The following THSD7B variants were observed in gnomAD, a reference collection of about 807,000 sequenced individuals.
THSD7B encodes the protein thrombospondin type 1 domain containing 7B.
THSD7B carries 138 observed loss-of-function variants against 213.6 expected under a neutral mutation model. The observed-to-expected ratio is 0.65, with a 90% CI of 0.56 to 0.74. The LOEUF (loss-of-function observed/expected upper bound fraction) is 0.74. THSD7B is among the 30% of genes least tolerant of loss of function. The pLI is 0.00. For missense variants in THSD7B, 1,931 were observed against 1,991.5 expected, an observed-to-expected ratio of 0.97 and a Z score of 0.58; for synonymous variants, 742 against 687.0, an observed-to-expected ratio of 1.08 and a Z score of -1.25.
intron 15 of THSD7B, among the ~76,000 whole-genome samples, chr2:137,465,802 T>C (rs1687980969): frequency 6.6e-6 from 1 of 152,144 alleles, no homozygotes; most frequent in South Asian, 2.1e-4. Context: ...TCTGAACCAC[T>C]AATGTCAAGT....
chr2:137,261,531 T>G (rs1682450425), intron 10 of THSD7B, among the ~76,000 whole-genome samples: 1 of 152,142 alleles, frequency 6.6e-6, no homozygotes, highest in Non-Finnish European at 1.5e-5. Context: ...TTCACAGACC[T>G]TGGGCTCCAG....
intron 13 of THSD7B, among the ~76,000 whole-genome samples, chr2:137,409,653 A>C (rs2105010186): frequency 6.6e-6 from 1 of 152,344 alleles, no homozygotes; most frequent in South Asian, 2.1e-4. Flanking sequence ...GATGAACCTA[A>C]GATGTTGCCT....
chr2:137,527,905 A>C (rs1473682251), intron 15 of THSD7B, among the ~76,000 whole-genome samples: 2 of 152,102 alleles, frequency 1.3e-5, no homozygotes, highest in African/African-American at 2.4e-5. Context: ...ATAAGAAAGG[A>C]AAAACTGGAT....
chr2:136,804,828 A>T (rs1320573219), intron 1 of THSD7B, among the ~76,000 whole-genome samples: 1 of 152,152 alleles, frequency 6.6e-6, no homozygotes, highest in Non-Finnish European at 1.5e-5. Context: ...GCTGCCAGAG[A>T]GTGATAAATG....
At chr2:137,653,981 C>T (rs1026765719) in intron 21 of THSD7B, among the ~76,000 whole-genome samples, 2 of 151,676 alleles carry the variant, frequency 1.3e-5, no homozygotes, top group Admixed American at 6.6e-5. Context: ...TTTTAATGGA[C>T]GTACCTCTCT....
chr2:136,910,702 T>A (rs1409324816), intron 2 of THSD7B, among the ~76,000 whole-genome samples: 1 of 152,128 alleles, frequency 6.6e-6, no homozygotes, highest in Non-Finnish European at 1.5e-5. Context: ...TAAACATGAG[T>A]TTGAATGCCG....
chr2:137,175,126 A>G (rs924574622), intron 7 of THSD7B, among the ~76,000 whole-genome samples: 7 of 152,182 alleles, frequency 4.6e-5, no homozygotes, highest in South Asian at 4.1e-4. Flanking sequence ...AGTGACTACT[A>G]TGTATCATCT....
chr2:136,869,796 G>T (rs62172272), intron 1 of THSD7B, among the ~76,000 whole-genome samples: 8 of 152,196 alleles, frequency 5.3e-5, no homozygotes, highest in African/African-American at 1.2e-4. Context: ...GTCAGCGGCT[G>T]GGCACGGTGG....
chr2:137,064,616 C>G (rs1687342048), intron 3 of THSD7B, among the ~76,000 whole-genome samples: 2 of 151,700 alleles, frequency 1.3e-5, no homozygotes, highest in African/African-American at 4.8e-5. Flanking sequence ...TTTTTTGATT[C>G]TTTTTGCAGT....
chr2:136,921,696 A>T (rs557363166), intron 2 of THSD7B, among the ~76,000 whole-genome samples: 154 of 152,372 alleles, frequency 1.0e-3, no homozygotes, highest in Non-Finnish European at 1.8e-3. Flanking sequence ...ATCAATTAGC[A>T]TGTTAATGGA....
chr2:137,400,474 ACT>A (rs1686328096), intron 12 of THSD7B, among the ~76,000 whole-genome samples: 1 of 151,738 alleles, frequency 6.6e-6, no homozygotes, highest in African/African-American at 2.4e-5. Context: ...AGTGGCAAAG[ACT>A]CTATGATTTC....
At chr2:137,392,744 A>C (rs1686063122) in intron 12 of THSD7B, among the ~76,000 whole-genome samples, 1 of 152,030 alleles carries the variant, frequency 6.6e-6, no homozygotes, top group African/African-American at 2.4e-5. Flanking sequence ...TAATCCATCT[A>C]TGTCTTTTAA....
chr2:137,069,680 T>A (rs1414520696), intron 3 of THSD7B, among the ~76,000 whole-genome samples: 1 of 151,974 alleles, frequency 6.6e-6, no homozygotes, highest in Non-Finnish European at 1.5e-5. Flanking sequence ...TGTTCCCTTG[T>A]TTTTTGTATC....
chr2:137,190,842 C>T (rs1254836609), intron 7 of THSD7B, among the ~76,000 whole-genome samples: 2 of 152,160 alleles, frequency 1.3e-5, no homozygotes, highest in African/African-American at 4.8e-5. Context: ...GGGTGTGCTC[C>T]CCGTCAGCTG....
At chr2:137,161,134 C>T (rs978336322) in intron 6 of THSD7B, among the ~76,000 whole-genome samples, 1 of 152,010 alleles carries the variant, frequency 6.6e-6, no homozygotes, top group African/African-American at 2.4e-5. Flanking sequence ...AATCTTCAAC[C>T]TTTATATTCC....
At chr2:137,530,383 A>G (rs1406461494) in intron 15 of THSD7B, among the ~76,000 whole-genome samples, 2 of 152,020 alleles carry the variant, frequency 1.3e-5, no homozygotes. Flanking sequence ...ATGTTTCTCA[A>G]TGACAGGGTA....
chr2:137,563,210 G>A lies in THSD7B; in HGVS notation c.3139-11G>A, dbSNP rs759131797. On this transcript the variant is annotated splice_polypyrimidine_tract_variant and intron_variant, in intron 15 of 27. Coordinates refer to ENST00000409968, the MANE Select transcript of THSD7B (RefSeq NM_001316349.2). ...TTCCACATAATTTTGTTTCTTTCCTGTTCTTGACAGGTACATGAGGCAGTC... is the reference window on the plus strand; with the variant it reads ...TTCCACATAATTTTGTTTCTTTCCTATTCTTGACAGGTACATGAGGCAGTC... 7 of 1,611,452 alleles carry A rather than the reference G, an allele frequency of 4.3e-6. No homozygotes were observed. The highest frequency in any genetic ancestry group is 4.2e-6 in the Non-Finnish European group (5 of 1,178,632).
chr2:137,005,535 T>C (rs1166422344), intron 2 of THSD7B, among the ~76,000 whole-genome samples: 3 of 152,142 alleles, frequency 2.0e-5, no homozygotes, highest in East Asian at 1.9e-4. Context: ...CAGGAAGAAA[T>C]TGAGATATCT....
chr2:136,807,509 G>GTTTTTGTTTTTTTTT (rs1682303245), intron 1 of THSD7B, among the ~76,000 whole-genome samples: 1 of 104,896 alleles, frequency 9.5e-6, no homozygotes, highest in African/African-American at 3.7e-5. Flanking sequence ...AAAATGTTTC[G>GTTTTTGTTTTTTTTT]TTTTTTTTTT....
Sources: gnomAD v4.1 joint callset for allele counts (sites outside exome capture counted in the v4.1 genomes callset) on GRCh38, gnomAD v4.1.1 for gene constraint, MANE v1.5 for transcripts, NCBI Gene and HGNC (gene_info 2026-07-23, HGNC 2026-07-21) for gene names.